The following DOCK2 variants were observed in gnomAD, a reference collection of about 807,000 sequenced individuals.
The protein encoded by DOCK2 is dedicator of cytokinesis 2.
DOCK2 carries 87 observed loss-of-function variants against 248.9 expected under a neutral mutation model. That is an observed-to-expected ratio of 0.35 (90% CI 0.29 to 0.42). DOCK2 has a LOEUF of 0.42. Among genes scored for constraint, DOCK2 ranks in the 10% least tolerant of loss-of-function variants. The pLI is 1.00. For missense variants in DOCK2, 1,747 were observed against 2,300.2 expected, an observed-to-expected ratio of 0.76 and a Z score of 4.92; for synonymous variants, 805 against 821.6, an observed-to-expected ratio of 0.98 and a Z score of 0.35.
In DOCK2 at chr5:169,891,263, G is replaced by A. The variant is rs183127863; in HGVS notation, c.2799+50411G>A. Among the ~76,000 whole-genome samples, 657 of 152,136 alleles carry A rather than the reference G, an allele frequency of 4.3e-3. 7 individuals carry two copies. The highest frequency in any genetic ancestry group is 0.015 in the African/African-American group (609 of 41,494). On this transcript the variant is annotated intron_variant, in intron 27 of 51. Coordinates refer to ENST00000520908, the MANE Select transcript of DOCK2 (RefSeq NM_004946.3). ...ACTCCCTGACCCCCTCTCCCCTTCC[G>A]TGTCCCTCTGTGCAGCAAAACCCTG... is the stretch of plus-strand genomic sequence containing the variant.
At chr5:169,698,553 G>T (rs1760769121) in intron 11 of DOCK2, 104 bp downstream of exon 11, 1 of 1,281,764 alleles carries the variant, frequency 7.8e-7, no homozygotes, top group South Asian at 1.2e-5. Context: ...GTGATAGGCA[G>T]GTGGAGCCTC....
rs1003901165 is a variant in DOCK2, at chr5:169,689,509, G to A, written c.843+176G>A. Among the ~76,000 whole-genome samples the A allele has an allele frequency of 4.6e-5, 7 of 152,222 alleles. No homozygotes were observed. The East Asian group carries it at 9.6e-4, about 21-fold the overall frequency. On this transcript the variant is annotated intron_variant, in intron 9 of 51. Transcript: ENST00000520908. ...CATTGTGTGCCTTGAGGAAGCTTTC[G>A]GAAAGATGGATGTTCACCTCTGTTT...
chr5:169,817,620 G>T (rs1581234752), intron 26 of DOCK2, among the ~76,000 whole-genome samples: 1 of 152,174 alleles, frequency 6.6e-6, no homozygotes, highest in South Asian at 2.1e-4. Flanking sequence ...TGAAGCCTGG[G>T]TCAATTTCCC....
intron 27 of DOCK2, among the ~76,000 whole-genome samples, chr5:169,951,547 T>A (rs1261300204): frequency 6.6e-6 from 1 of 152,204 alleles, no homozygotes. Flanking sequence ...CATGGACACC[T>A]GCCTTGGATC....
rs77595462 is a variant in DOCK2, at chr5:169,728,067, G to A, written c.2267+9276G>A. On this transcript the variant is annotated intron_variant, in intron 22 of 51. Transcript: ENST00000520908. ...GAAGAAGATAAAGGTTTACAGATGA[G>A]GAGATGGCCAGAACTAATTGAATGT... 0.012 allele frequency among the ~76,000 whole-genome samples: 1,756 copies of A among 152,274 alleles called. 86 individuals carry two copies. In the South Asian group the frequency reaches 0.15, roughly 13 times the overall value.
chr5:169,681,968 G>T, intron 7 of DOCK2, 89 bp downstream of exon 7: 1 of 1,538,744 alleles, frequency 6.5e-7, no homozygotes, highest in Non-Finnish European at 8.8e-7. Context: ...ACCAGACTGT[G>T]TATTATTCAA....
In DOCK2 at chr5:169,682,546, C is replaced by T. The variant is rs375969624; in HGVS notation, c.606+667C>T. On this transcript the variant is annotated intron_variant, in intron 7 of 51. Transcript: ENST00000520908. ...TTTGGAAAAGAGTTGTGATGTTATTCCCACGGATGGGAAATCAGTGAGAGA... is the reference window on the plus strand; with the variant it reads ...TTTGGAAAAGAGTTGTGATGTTATTTCCACGGATGGGAAATCAGTGAGAGA... Among the ~76,000 whole-genome samples the T allele has an allele frequency of 8.5e-5, 13 of 152,238 alleles. No individual in the cohort carries two copies. In the East Asian group the frequency reaches 1.5e-3, roughly 18 times the overall value.
rs567635226 is a variant in DOCK2, at chr5:169,715,328, G to A, written c.1941+871G>A. The stretch of plus-strand genomic sequence containing the variant: ...TGAGATTAAACATCTTTATATGGTA[G>A]CTCTGTGTTTTGAGGGATTATAGGA... On this transcript the variant is annotated intron_variant, in intron 19 of 51. Transcript: ENST00000520908. Among the ~76,000 whole-genome samples the A allele has an allele frequency of 7.9e-5, 12 of 152,250 alleles. No individual in the cohort carries two copies. The East Asian group carries it at 1.9e-3, about 24-fold the overall frequency.
chr5:170,051,096 T>C (rs1332144213), intron 41 of DOCK2, among the ~76,000 whole-genome samples: 3 of 152,216 alleles, frequency 2.0e-5, no homozygotes, highest in Non-Finnish European at 2.9e-5. Flanking sequence ...AGGAAGGTGA[T>C]GTTTGAGATT....
intron 23 of DOCK2, among the ~76,000 whole-genome samples, chr5:169,750,239 C>T (rs1304729123): frequency 1.3e-5 from 2 of 152,056 alleles, no homozygotes; most frequent in Non-Finnish European, 2.9e-5. Flanking sequence ...CACCTGTTTC[C>T]CTACGATGGG....
intron 34 of DOCK2, among the ~76,000 whole-genome samples, chr5:170,032,718 G>T (rs889076771): frequency 2.8e-4 from 42 of 152,296 alleles, no homozygotes; most frequent in African/African-American, 1.0e-3. Flanking sequence ...CAGGGAACAG[G>T]TGCTTCTCCC....
At chr5:169,784,025 A>G (rs954677202) in intron 25 of DOCK2, among the ~76,000 whole-genome samples, 2 of 152,190 alleles carry the variant, frequency 1.3e-5, no homozygotes, top group African/African-American at 2.4e-5. Flanking sequence ...GCCAATTTAA[A>G]TCAGTGTCTT....
At chr5:169,988,388 G>A (rs2113790657) in intron 29 of DOCK2, among the ~76,000 whole-genome samples, 1 of 152,256 alleles carries the variant, frequency 6.6e-6, no homozygotes, top group East Asian at 1.9e-4. Context: ...CATTATATAA[G>A]AGGAAGCTGA....
At chr5:169,952,333 A>G (rs1176275529) in intron 27 of DOCK2, among the ~76,000 whole-genome samples, 1 of 152,100 alleles carries the variant, frequency 6.6e-6, no homozygotes, top group African/African-American at 2.4e-5. Context: ...GTATGTAAAA[A>G]TCAATGCAGC....
intron 44 of DOCK2, among the ~76,000 whole-genome samples, chr5:170,058,518 T>C (rs373667231): frequency 5.1e-4 from 78 of 152,286 alleles, no homozygotes; most frequent in African/African-American, 1.6e-3. Flanking sequence ...CTATACTGGC[T>C]GTTGAGGAGA....
At chr5:169,992,898 G>T (rs1778246312) in intron 29 of DOCK2, among the ~76,000 whole-genome samples, 1 of 152,178 alleles carries the variant, frequency 6.6e-6, no homozygotes, top group African/African-American at 2.4e-5. Context: ...TAGAGAAAGG[G>T]AGGAACTTTG....
chr5:169,807,607 C>T (rs1767459499), intron 26 of DOCK2, among the ~76,000 whole-genome samples: 2 of 151,798 alleles, frequency 1.3e-5, no homozygotes, highest in Admixed American at 6.6e-5. Flanking sequence ...CCGAGGCGGG[C>T]GGATCACGAG....
chr5:169,824,322 C>G (rs1315542950), intron 26 of DOCK2, among the ~76,000 whole-genome samples: 5 of 152,178 alleles, frequency 3.3e-5, no homozygotes, highest in African/African-American at 9.7e-5. Context: ...CAAGATATTC[C>G]TAAGCCAAAA....
intron 27 of DOCK2, among the ~76,000 whole-genome samples, chr5:169,930,813 T>C (rs1775716677): frequency 6.6e-6 from 1 of 152,182 alleles, no homozygotes; most frequent in Non-Finnish European, 1.5e-5. Context: ...CTTGGTTTCT[T>C]TTCTTATGCT....
Sources: gnomAD v4.1 joint callset for allele counts (sites outside exome capture counted in the v4.1 genomes callset) on GRCh38, gnomAD v4.1.1 for gene constraint, MANE v1.5 for transcripts, NCBI Gene and HGNC (gene_info 2026-07-23, HGNC 2026-07-21) for gene names.